Variants in BTBD9 observed in about 807,000 individuals in gnomAD.
The protein encoded by BTBD9 is BTB domain containing 9, also known as BTB/POZ domain-containing protein 9.
Under a neutral mutation model 64.3 loss-of-function variants are expected in BTBD9, and 49 were observed. The ratio of observed to expected loss-of-function variants is 0.76; its 90% CI spans 0.61 to 0.97. The LOEUF is 0.97. Ranked by LOEUF, BTBD9 falls within the 50% of genes least tolerant of loss-of-function variation. The probability of loss-of-function intolerance (pLI) is 0.00; values close to 1 mark genes in which losing one functional copy is unlikely to be tolerated. For missense variants in BTBD9, 598 were observed against 762.1 expected, an observed-to-expected ratio of 0.78 and a Z score of 2.53; for synonymous variants, 260 against 274.7, an observed-to-expected ratio of 0.95 and a Z score of 0.53.
chr6:38,579,315 T>A (rs1252941048), intron 5 of BTBD9, among the ~76,000 whole-genome samples: 1 of 152,202 alleles, frequency 6.6e-6, no homozygotes, highest in Non-Finnish European at 1.5e-5. Context: ...CAGGGCATCA[T>A]CATCATTACT....
At chr6:38,446,106 C>G (rs997612295) in intron 6 of BTBD9, among the ~76,000 whole-genome samples, 3 of 152,136 alleles carry the variant, frequency 2.0e-5, no homozygotes. Context: ...AAGTAAGACA[C>G]GTGAGTAGTG....
chr6:38,280,420 G>A (rs939589335), intron 8 of BTBD9, among the ~76,000 whole-genome samples: 8 of 152,180 alleles, frequency 5.3e-5, no homozygotes, highest in South Asian at 4.1e-4. Context: ...CCTTGGTTCC[G>A]GGCTGTGACA....
intron 9 of BTBD9, among the ~76,000 whole-genome samples, chr6:38,241,847 G>A (rs1185863604): frequency 6.6e-6 from 1 of 152,098 alleles, no homozygotes. Context: ...CTAATAAATG[G>A]CCTAATGAAC....
At chr6:38,439,552 G>A (rs1483223300) in intron 6 of BTBD9, among the ~76,000 whole-genome samples, 8 of 151,704 alleles carry the variant, frequency 5.3e-5, no homozygotes, top group African/African-American at 9.7e-5. Flanking sequence ...TCAGCCTCCC[G>A]AGTAGCTGGG....
intron 6 of BTBD9, among the ~76,000 whole-genome samples, chr6:38,432,186 GT>G (rs1353762338): frequency 6.6e-6 from 1 of 151,946 alleles, no homozygotes; most frequent in Non-Finnish European, 1.5e-5. Flanking sequence ...TTATGATGTG[GT>G]AAAAAAGCCC....
At chr6:38,578,805 C>T (rs2127474237) in intron 5 of BTBD9, among the ~76,000 whole-genome samples, 1 of 152,196 alleles carries the variant, frequency 6.6e-6, no homozygotes, top group East Asian at 1.9e-4. Flanking sequence ...AGTTAAATCC[C>T]CCGTGAATGT....
chr6:38,460,428 G>A (rs74436362), intron 6 of BTBD9, among the ~76,000 whole-genome samples: 10 of 152,226 alleles, frequency 6.6e-5, no homozygotes, highest in Admixed American at 3.9e-4. Flanking sequence ...TATGCACACC[G>A]CAGTTGCGTA....
At chr6:38,427,286 T>TTA (rs1768213380) in intron 6 of BTBD9, among the ~76,000 whole-genome samples, 1 of 151,562 alleles carries the variant, frequency 6.6e-6, no homozygotes, top group African/African-American at 2.4e-5. Flanking sequence ...GCCCAGGAGT[T>TTA]TGAGACCAGC....
chr6:38,403,660 A>G (rs1424563093), intron 6 of BTBD9, among the ~76,000 whole-genome samples: 1 of 152,202 alleles, frequency 6.6e-6, no homozygotes, highest in African/African-American at 2.4e-5. Flanking sequence ...TCTATGGAAA[A>G]CAGTCTGGCA....
chr6:38,633,820 GT>G (rs1778440499), intron 1 of BTBD9, among the ~76,000 whole-genome samples: 1 of 151,584 alleles, frequency 6.6e-6, no homozygotes, highest in Non-Finnish European at 1.5e-5. Context: ...CTCTATACGC[GT>G]CATGGCCCCA....
At chr6:38,403,783 T>A (rs539227952) in intron 6 of BTBD9, among the ~76,000 whole-genome samples, 8 of 152,236 alleles carry the variant, frequency 5.3e-5, no homozygotes, top group Non-Finnish European at 1.2e-4. Context: ...TACATAAATG[T>A]GTATAGCAGC....
chr6:38,639,515 G>C (rs1055734744), intron 1 of BTBD9, among the ~76,000 whole-genome samples: 1 of 152,196 alleles, frequency 6.6e-6, no homozygotes, highest in Non-Finnish European at 1.5e-5. Flanking sequence ...GGCTGCCCCT[G>C]ATTCGAACTC....
At chr6:38,373,168 A>T (rs1765494644) in intron 6 of BTBD9, among the ~76,000 whole-genome samples, 1 of 152,178 alleles carries the variant, frequency 6.6e-6, no homozygotes, top group Non-Finnish European at 1.5e-5. Flanking sequence ...CTTTCCAGTG[A>T]TTCCCTGAAC....
chr6:38,531,632 A>G (rs1773802663), intron 6 of BTBD9, among the ~76,000 whole-genome samples: 1 of 152,228 alleles, frequency 6.6e-6, no homozygotes, highest in South Asian at 2.1e-4. Flanking sequence ...TAGAAACAAC[A>G]ACTTTTGAAG....
intron 6 of BTBD9, among the ~76,000 whole-genome samples, chr6:38,401,650 T>A (rs1766931865): frequency 6.6e-6 from 1 of 152,186 alleles, no homozygotes; most frequent in Admixed American, 6.5e-5. Context: ...TTGTCTAGGT[T>A]CCAGGATAGA....
chr6:38,559,729 CAT>C (rs1260854162), intron 6 of BTBD9, among the ~76,000 whole-genome samples: 1 of 152,124 alleles, frequency 6.6e-6, no homozygotes, highest in East Asian at 1.9e-4. Flanking sequence ...CAAAAACAGA[CAT>C]GTAGCTCAAT....
intron 6 of BTBD9, among the ~76,000 whole-genome samples, chr6:38,381,667 T>G (rs776912046): frequency 2.6e-5 from 4 of 152,180 alleles, no homozygotes; most frequent in Non-Finnish European, 5.9e-5. Context: ...CAAAGGATTT[T>G]ATTTTTAAAG....
intron 10 of BTBD9, among the ~76,000 whole-genome samples, chr6:38,181,501 T>A (rs1034509156): frequency 5.9e-5 from 9 of 152,184 alleles, no homozygotes; most frequent in African/African-American, 2.2e-4. Flanking sequence ...TTCAGTGACA[T>A]AACAGATCCT....
chr6:38,328,564 CGTGTGTGTGTGTGTGTGT>C (rs201357884), intron 7 of BTBD9, among the ~76,000 whole-genome samples: 237 of 130,500 alleles, frequency 1.8e-3, no homozygotes, highest in Admixed American at 5.4e-3. Context: ...TTTAAGCCAC[CGTGTGTGTGTGTGTGTGT>C]GTGTGTGTGT....
Sources: gnomAD v4.1 joint callset for allele counts (sites outside exome capture counted in the v4.1 genomes callset) on GRCh38, gnomAD v4.1.1 for gene constraint, MANE v1.5 for transcripts, NCBI Gene and HGNC (gene_info 2026-07-23, HGNC 2026-07-21) for gene names.